ITPR2: variants seen among roughly 807,000 people sequenced by gnomAD.
The protein encoded by ITPR2 is inositol 1,4,5-trisphosphate receptor type 2.
In ITPR2, 207 loss-of-function variants were observed where a neutral mutation model predicts 317.1. The observed-to-expected ratio is 0.65, with a 90% CI of 0.58 to 0.73. The LOEUF is 0.73. Ranked by LOEUF, ITPR2 falls within the 30% of genes least tolerant of loss-of-function variation. The pLI, the probability that ITPR2 is intolerant of heterozygous loss-of-function variation, is 0.00. For missense variants in ITPR2, 2,613 were observed against 3,284.0 expected (o/e 0.80, Z 4.99); for synonymous variants, 1,156 against 1,149.1 (o/e 1.01, Z -0.12).
intron 52 of ITPR2, chr12:26,406,326 T>C (rs1940347002): frequency 6.6e-6 from 1 of 152,070 alleles, no homozygotes; most frequent in African/African-American, 2.4e-5. Context: ...TATAAAATAA[T>C]TGTAATTGTA....
chr12:26,605,126 A>T (rs28623206), intron 26 of ITPR2, among the ~76,000 whole-genome samples: 5,362 of 135,904 alleles, frequency 0.039, 300 homozygotes, highest in African/African-American at 0.11. Context: ...AAAAAATAAA[A>T]ATATATATAT....
intron 37 of ITPR2, among the ~76,000 whole-genome samples, chr12:26,517,292 C>G (rs999004039): frequency 2.6e-5 from 4 of 152,154 alleles, no homozygotes; most frequent in African/African-American, 9.7e-5. Context: ...TTTGCACACT[C>G]TGCATCCAAT....
intron 55 of ITPR2, among the ~76,000 whole-genome samples, chr12:26,372,591 C>A (rs141221016): frequency 6.6e-6 from 1 of 152,174 alleles, no homozygotes; most frequent in African/African-American, 2.4e-5. Context: ...CTTCCATTAA[C>A]GCTCTTTCTA....
intron 44 of ITPR2, among the ~76,000 whole-genome samples, chr12:26,475,833 G>A (rs558296384): frequency 5.3e-5 from 8 of 152,164 alleles, no homozygotes; most frequent in Non-Finnish European, 1.2e-4. Context: ...AAGCAAGGAG[G>A]CAAACACAGT....
chr12:26,351,403 C>T (rs558387698), intron 55 of ITPR2, among the ~76,000 whole-genome samples: 1 of 152,240 alleles, frequency 6.6e-6, no homozygotes, highest in East Asian at 1.9e-4. Context: ...AGCATTCTCC[C>T]GGATCCCTAT....
At chr12:26,366,937 C>T (rs1157755343) in intron 55 of ITPR2, among the ~76,000 whole-genome samples, 1 of 151,776 alleles carries the variant, frequency 6.6e-6, no homozygotes, top group South Asian at 2.1e-4. Context: ...GAACTGGGAG[C>T]GATTAAAAAA....
intron 39 of ITPR2, among the ~76,000 whole-genome samples, chr12:26,493,503 A>G (rs1319544639): frequency 6.6e-6 from 1 of 152,216 alleles, no homozygotes; most frequent in Non-Finnish European, 1.5e-5. Flanking sequence ...TCTAATCCTC[A>G]GTAGGGTGGC....
rs11838190 is a variant in ITPR2 at position 26,659,594 on chromosome 12, A to T, written c.1714-309T>A. Among the ~76,000 whole-genome samples the T allele has an allele frequency of 8.6e-3, 1,312 of 152,346 alleles. 19 individuals are homozygous for T. Among genetic ancestry groups the T allele is most frequent in the African/African-American group, 0.029 (1,220 of 41,578 alleles). On this transcript the variant is annotated intron_variant, in intron 15 of 56. Transcript: ENST00000381340. ...AATCTAATTAAAGTAAGTTTTTATGACACAATAACTTTGGATTTCATCAGT... is the reference window on the plus strand; with the variant it reads ...AATCTAATTAAAGTAAGTTTTTATGTCACAATAACTTTGGATTTCATCAGT...
intron 24 of ITPR2, among the ~76,000 whole-genome samples, chr12:26,622,813 T>A (rs1044661171): frequency 6.6e-6 from 1 of 151,198 alleles, no homozygotes; most frequent in Non-Finnish European, 1.5e-5. Context: ...TGGGGAGGAG[T>A]GGGGGAGGCC....
At chr12:26,568,006 T>TATATATATTATATATATTA (rs1196635588) in intron 34 of ITPR2, among the ~76,000 whole-genome samples, 19 of 7,514 alleles carry the variant, frequency 2.5e-3, no homozygotes, top group African/African-American at 4.6e-3. Flanking sequence ...ATTATATATA[T>TATATATATTATATATATTA]TATATATATA....
chr12:26,786,661 T>C (rs1405753364), intron 2 of ITPR2, among the ~76,000 whole-genome samples: 1 of 152,154 alleles, frequency 6.6e-6, no homozygotes, highest in Non-Finnish European at 1.5e-5. Flanking sequence ...TGAGACACAG[T>C]CAAAAGAACA....
At chr12:26,707,956 T>C (rs746891768) in intron 9 of ITPR2, among the ~76,000 whole-genome samples, 4 of 152,082 alleles carry the variant, frequency 2.6e-5, no homozygotes, top group Non-Finnish European at 4.4e-5. Flanking sequence ...TACAAATTTC[T>C]CAAAAGAAGA....
chr12:26,582,147 C>G (rs917106058), intron 32 of ITPR2, among the ~76,000 whole-genome samples: 7 of 152,120 alleles, frequency 4.6e-5, no homozygotes, highest in Non-Finnish European at 8.8e-5. Flanking sequence ...TTTTTCCTGT[C>G]CCCTATGAAT....
chr12:26,799,792 A>G (rs928882824), intron 1 of ITPR2, among the ~76,000 whole-genome samples: 2 of 152,206 alleles, frequency 1.3e-5, no homozygotes, highest in African/African-American at 4.8e-5. Flanking sequence ...GTTCTCATGA[A>G]AGTCAAAGCA....
chr12:26,664,493 A>G (rs1470461662), intron 14 of ITPR2, among the ~76,000 whole-genome samples: 2 of 152,222 alleles, frequency 1.3e-5, no homozygotes, highest in African/African-American at 4.8e-5. Flanking sequence ...TGAGGAATAT[A>G]ACTCTTTTCG....
intron 36 of ITPR2, among the ~76,000 whole-genome samples, chr12:26,553,800 T>C (rs2137011313): frequency 6.6e-6 from 1 of 152,204 alleles, no homozygotes; most frequent in Non-Finnish European, 1.5e-5. Context: ...AAAAGACCCC[T>C]GGCAAAGCTA....
Position 26,339,173 on chromosome 12 carries a change from T to C in ITPR2, c.*224A>G, listed in dbSNP as rs1002784856. On this transcript the variant is annotated 3_prime_UTR_variant, in exon 57 of 57. Transcript: ENST00000381340. The stretch of plus-strand genomic sequence containing the variant: ...CCTTTTCTTCCTGATGCATTGCGAA[T>C]GTGTGATGTACGCTTTCTAGCAGAT... 2.1e-6 allele frequency: 1 copy of C among 484,972 alleles called. No individual in the cohort carries two copies. Among genetic ancestry groups the C allele is most frequent in the African/African-American group, 2.0e-5 (1 of 50,400 alleles). 30.0% of individuals were successfully genotyped at this position (484,972 alleles called of 1,614,324 possible).
At chr12:26,802,371 G>C (rs1950570086) in intron 1 of ITPR2, among the ~76,000 whole-genome samples, 1 of 151,972 alleles carries the variant, frequency 6.6e-6, no homozygotes, top group Non-Finnish European at 1.5e-5. Flanking sequence ...AAATAGGGCA[G>C]GTATGTTGGC....
At chr12:26,417,459 T>C (rs933703427) in intron 50 of ITPR2, among the ~76,000 whole-genome samples, 1 of 152,108 alleles carries the variant, frequency 6.6e-6, no homozygotes, top group Non-Finnish European at 1.5e-5. Flanking sequence ...TGGGAGGTGA[T>C]TGGATCATGG....
Sources: allele counts gnomAD v4.1 joint callset (sites outside exome capture counted in the v4.1 genomes callset), GRCh38; gene constraint gnomAD v4.1.1; transcripts MANE v1.5; gene names NCBI Gene and HGNC (gene_info 2026-07-23, HGNC 2026-07-21).